UMAD1: variants seen among roughly 807,000 people sequenced by gnomAD.
UMAD1 encodes UBAP1-MVB12-associated (UMA) domain containing 1.
UMAD1 carries 8 observed loss-of-function variants against 6.1 expected under a neutral mutation model. That is an observed-to-expected ratio of 1.30 (90% CI 0.76 to 2.35). The LOEUF is 2.35. Ranked by LOEUF, UMAD1 falls within the 30% of genes most tolerant of loss-of-function variation. The probability of loss-of-function intolerance (pLI) is 0.00; values close to 1 mark genes in which losing one functional copy is unlikely to be tolerated. For missense variants in UMAD1, 130 were observed against 78.4 expected (o/e 1.66, Z -2.49); for synonymous variants, 56 against 31.4 (o/e 1.78, Z -2.61).
intron 3 of UMAD1, among the ~76,000 whole-genome samples, chr7:7,860,699 C>T (rs1183955955): frequency 1.3e-5 from 2 of 150,216 alleles, no homozygotes; most frequent in Non-Finnish European, 3.0e-5. Flanking sequence ...GGCGCGAACC[C>T]AGGAGGCGGA....
chr7:7,666,956 C>T (rs2108001), intron 1 of UMAD1, among the ~76,000 whole-genome samples: 85,548 of 151,966 alleles, frequency 0.56, 24,511 homozygotes, highest in East Asian at 0.8. Flanking sequence ...TGCAGGCGTG[C>T]GCCACCACAT....
At chr7:7,795,213 G>T (rs990483915) in intron 2 of UMAD1, among the ~76,000 whole-genome samples, 1 of 152,198 alleles carries the variant, frequency 6.6e-6, no homozygotes, top group African/African-American at 2.4e-5. Context: ...TCCTGAGACT[G>T]TTTCCTGGGT....
At chr7:7,819,558 T>G (rs549181335) in intron 3 of UMAD1, among the ~76,000 whole-genome samples, 1 of 152,318 alleles carries the variant, frequency 6.6e-6, no homozygotes, top group East Asian at 1.9e-4. Context: ...TTGAGTTGGA[T>G]AAAGCTACGT....
rs1002546360 is a variant in UMAD1, at chr7:7,738,029, A to G, written c.83-63641A>G. Among the ~76,000 whole-genome samples the G allele has an allele frequency of 1.1e-4, 16 of 152,234 alleles. 1 individual carries two copies. Among genetic ancestry groups the G allele is most frequent in the Admixed American group, 9.8e-4 (15 of 15,284 alleles). On this transcript the variant is annotated intron_variant, in intron 2 of 3. Coordinates refer to ENST00000682710, the MANE Select transcript of UMAD1 (RefSeq NM_001302348.2). ...CATAACCTAGTTTTTCATGTTATCA[A>G]TTGAGAAAATGGATTCTAAAGTCAA...
At chr7:7,687,301 A>T (rs926793145) in intron 2 of UMAD1, 1 of 152,160 alleles carries the variant, frequency 6.6e-6, no homozygotes, top group Non-Finnish European at 1.5e-5. Flanking sequence ...GTTGCAGGAG[A>T]TGAAGCAAAA....
chr7:7,837,924 AG>A (rs758600435), intron 3 of UMAD1, among the ~76,000 whole-genome samples: 2 of 152,176 alleles, frequency 1.3e-5, no homozygotes, highest in Non-Finnish European at 2.9e-5. Context: ...TTAAGGCAAA[AG>A]GTGTTACCAG....
At chr7:7,664,750 T>C (rs572168853) in intron 1 of UMAD1, among the ~76,000 whole-genome samples, 21 of 152,356 alleles carry the variant, frequency 1.4e-4, no homozygotes, top group African/African-American at 4.8e-4. Context: ...TTTCTAGCGT[T>C]GTTTTAGGTT....
intron 3 of UMAD1, among the ~76,000 whole-genome samples, chr7:7,833,959 G>A (rs1356270038): frequency 2.1e-5 from 3 of 142,372 alleles, no homozygotes; most frequent in Non-Finnish European, 3.1e-5. Context: ...CATGTCATCA[G>A]TCTCAAGAAT....
chr7:7,827,143 ATATATGTG>A (rs1295826285), intron 3 of UMAD1, among the ~76,000 whole-genome samples: 1 of 135,140 alleles, frequency 7.4e-6, no homozygotes, highest in Non-Finnish European at 1.6e-5. Context: ...ATATATATAT[ATATATGTG>A]TGTGTGTGTG....
At chr7:7,709,745 T>C (rs1780704062) in intron 2 of UMAD1, among the ~76,000 whole-genome samples, 1 of 152,208 alleles carries the variant, frequency 6.6e-6, no homozygotes, top group Non-Finnish European at 1.5e-5. Context: ...TAGCTCTTGC[T>C]TATGCAAATC....
Position 7,698,270 on chromosome 7 carries a change from A to C in UMAD1, c.82+24817A>C, listed in dbSNP as rs533461710. Among the ~76,000 whole-genome samples the C allele has an allele frequency of 1.8e-4, 27 of 152,336 alleles. 2 individuals carry two copies. In the South Asian group the frequency reaches 5.2e-3, roughly 29 times the overall value. ...AGATTTATTTCTGTGAGAAGATTGC[A>C]AAATATAACAGTTCCCATTCTTGAA... On this transcript the variant is annotated intron_variant, in intron 2 of 3. Transcript: ENST00000682710.
At chr7:7,770,951 A>G (rs1782088433) in intron 2 of UMAD1, among the ~76,000 whole-genome samples, 1 of 152,160 alleles carries the variant, frequency 6.6e-6, no homozygotes, top group South Asian at 2.1e-4. Context: ...GTCTTGGTGT[A>G]TCTTGAGTTA....
chr7:7,833,367 A>C (rs867647816), intron 3 of UMAD1, among the ~76,000 whole-genome samples: 3 of 152,170 alleles, frequency 2.0e-5, no homozygotes, highest in Non-Finnish European at 4.4e-5. Context: ...CTGTGGTGTT[A>C]GTATTTCTTG....
intron 2 of UMAD1, among the ~76,000 whole-genome samples, chr7:7,795,529 A>G (rs1347681187): frequency 6.6e-6 from 1 of 152,234 alleles, no homozygotes; most frequent in Non-Finnish European, 1.5e-5. Flanking sequence ...TTTATTAAGC[A>G]AGTAAAGGAG....
chr7:7,795,143 C>A (rs1257293503), intron 2 of UMAD1, among the ~76,000 whole-genome samples: 2 of 152,202 alleles, frequency 1.3e-5, no homozygotes, highest in African/African-American at 4.8e-5. Context: ...ATTTCTTTCT[C>A]TCTAAAATAT....
chr7:7,744,844 G>A (rs1477696861), intron 2 of UMAD1, among the ~76,000 whole-genome samples: 1 of 151,968 alleles, frequency 6.6e-6, no homozygotes, highest in African/African-American at 2.4e-5. Context: ...TATATGATTT[G>A]CAAATATTTT....
At chr7:7,721,136 A>G (rs1781041125) in intron 2 of UMAD1, among the ~76,000 whole-genome samples, 1 of 152,196 alleles carries the variant, frequency 6.6e-6, no homozygotes, top group Non-Finnish European at 1.5e-5. Context: ...ATTCTGCCCT[A>G]GAGACTTCAG....
intron 3 of UMAD1, among the ~76,000 whole-genome samples, chr7:7,811,583 T>G (rs1296443252): frequency 6.6e-6 from 1 of 152,200 alleles, no homozygotes. Context: ...GGTGCAATGT[T>G]TGAGCGCCCT....
At chr7:7,808,327 TA>T (rs1177589173) in intron 3 of UMAD1, among the ~76,000 whole-genome samples, 1 of 151,998 alleles carries the variant, frequency 6.6e-6, no homozygotes, top group Non-Finnish European at 1.5e-5. Flanking sequence ...GATAAACCTG[TA>T]GGGGCCCAGT....
Sources: allele counts gnomAD v4.1 joint callset (sites outside exome capture counted in the v4.1 genomes callset), GRCh38; gene constraint gnomAD v4.1.1; transcripts MANE v1.5; gene names NCBI Gene and HGNC (gene_info 2026-07-23, HGNC 2026-07-21).